Variants in MACO1 observed in about 807,000 individuals in gnomAD.
MACO1 encodes the protein macoilin 1.
MACO1 carries 14 observed loss-of-function variants against 78.7 expected under a neutral mutation model. The ratio of observed to expected loss-of-function variants is 0.18; its 90% CI spans 0.12 to 0.28. MACO1 has a LOEUF of 0.28. MACO1 is among the 10% of genes least tolerant of loss of function. The probability of loss-of-function intolerance (pLI) is 1.00; values close to 1 mark genes in which losing one functional copy is unlikely to be tolerated. For missense variants in MACO1, 501 were observed against 799.0 expected, an observed-to-expected ratio of 0.63 and a Z score of 4.50; for synonymous variants, 288 against 291.6, an observed-to-expected ratio of 0.99 and a Z score of 0.12.
At position 25,431,036 on chromosome 1, in the gene MACO1, G is replaced by GCGGCGGCAGCTGAGGTGAGAGA; in HGVS notation, c.-55_-34dup. ...AGGCCCGACGCGGGGCGGGCCAGCG[G>GCGGCGGCAGCTGAGGTGAGAGA]CGGCGGCAGCTGAGGTGAGAGACGG... On this transcript the variant is annotated 5_prime_UTR_variant, in exon 1 of 11. Transcript: ENST00000374343. 6 of 1,421,028 alleles carry GCGGCGGCAGCTGAGGTGAGAGA rather than the reference G, an allele frequency of 4.2e-6. No homozygotes were observed. The highest frequency in any genetic ancestry group is 5.7e-6 in the Non-Finnish European group (6 of 1,052,916). 88.0% of individuals were successfully genotyped at this position (1,421,028 alleles called of 1,614,324 possible).
At position 25,444,258 on chromosome 1, in the gene MACO1, T is replaced by TTAAATAAA. The variant is rs914203310; in HGVS notation, c.81-2487_81-2480dup. ...TGGGTGATAGAGTGAAACTCAGTCT[T>TTAAATAAA]TAAATAAATAAATAAATAAATAAAG... On this transcript the variant is annotated intron_variant, in intron 1 of 10. Transcript: ENST00000374343. 5.1e-3 allele frequency among the ~76,000 whole-genome samples: 779 copies of TTAAATAAA among 151,660 alleles called. 9 individuals carry two copies. Among genetic ancestry groups the TTAAATAAA allele is most frequent in the African/African-American group, 0.018 (751 of 41,272 alleles).
At chr1:25,435,567 T>G (rs6690883) in intron 1 of MACO1, among the ~76,000 whole-genome samples, 2 of 152,180 alleles carry the variant, frequency 1.3e-5, no homozygotes, top group African/African-American at 4.8e-5. Context: ...TTAGACTCCT[T>G]TGGGCTATGC....
intron 6 of MACO1, among the ~76,000 whole-genome samples, chr1:25,467,515 T>C (rs1335663288): frequency 1.3e-5 from 2 of 152,240 alleles, no homozygotes; most frequent in Non-Finnish European, 2.9e-5. Flanking sequence ...TCTGCAGAAA[T>C]GTTAAAGCAA....
In MACO1 at chr1:25,453,711, A is replaced by G. The variant is rs144224284; in HGVS notation, c.350-548A>G. ...TGGAATTTCTGGGTAAAAGAAAGGT[A>G]CAAGTATTTAAATTTAAATATACTG... On this transcript the variant is annotated intron_variant, in intron 3 of 10. Transcript: ENST00000374343. Among the ~76,000 whole-genome samples, 811 of 151,768 alleles carry G rather than the reference A, an allele frequency of 5.3e-3. 10 individuals are homozygous for G. Among genetic ancestry groups the G allele is most frequent in the African/African-American group, 0.019 (780 of 41,446 alleles).
intron 4 of MACO1, 90 bp downstream of exon 4, chr1:25,454,472 A>G (rs35383146): frequency 0.037 from 4,582 of 122,832 alleles, 128 homozygotes; most frequent in Admixed American, 0.14. Context: ...GTGTGTGTGT[A>G]TATATATATA....
intron 6 of MACO1, among the ~76,000 whole-genome samples, chr1:25,468,032 A>G (rs1461791257): frequency 6.6e-6 from 1 of 152,166 alleles, no homozygotes; most frequent in Non-Finnish European, 1.5e-5. Context: ...CATTGGCCCA[A>G]GGATTGGCAC....
intron 1 of MACO1, among the ~76,000 whole-genome samples, chr1:25,437,708 C>A (rs2042932037): frequency 2.0e-5 from 3 of 152,130 alleles, no homozygotes; most frequent in Admixed American, 2.0e-4. Flanking sequence ...TTGCTTGAGT[C>A]CAGGAGTTCA....
chr1:25,453,070 A>G (rs988143856), intron 3 of MACO1, among the ~76,000 whole-genome samples: 3 of 149,580 alleles, frequency 2.0e-5, no homozygotes, highest in African/African-American at 5.0e-5. Context: ...CAATGATGCA[A>G]TCTCGGCTCA....
intron 6 of MACO1, among the ~76,000 whole-genome samples, chr1:25,465,017 T>TATA (rs1230637543): frequency 2.0e-5 from 3 of 151,294 alleles, no homozygotes; most frequent in Admixed American, 2.0e-4. Context: ...CTTACTATAT[T>TATA]GCCCAAGCTG....
chr1:25,480,929 AATATATATATATATAT>A (rs202050214), intron 6 of MACO1, among the ~76,000 whole-genome samples: 139 of 47,760 alleles, frequency 2.9e-3, no homozygotes, highest in African/African-American at 4.6e-3. Context: ...AAAAAAAAAA[AATATATATATATATAT>A]ATATATATAT....
intron 1 of MACO1, among the ~76,000 whole-genome samples, chr1:25,437,259 C>G (rs1236227232): frequency 6.8e-6 from 1 of 147,834 alleles, no homozygotes; most frequent in Non-Finnish European, 1.5e-5. Flanking sequence ...TTCAGCTGAC[C>G]GAGTAGCTGG....
intron 6 of MACO1, among the ~76,000 whole-genome samples, chr1:25,473,318 T>C (rs531744771): frequency 6.6e-6 from 1 of 152,330 alleles, no homozygotes; most frequent in Admixed American, 6.5e-5. Context: ...GGGTTTTTTG[T>C]GGCTTGAAAA....
At chr1:25,476,181 G>T (rs1202229167) in intron 6 of MACO1, among the ~76,000 whole-genome samples, 3 of 152,210 alleles carry the variant, frequency 2.0e-5, no homozygotes, top group Non-Finnish European at 2.9e-5. Flanking sequence ...AAGTCAGTAA[G>T]TACCCTATTT....
intron 9 of MACO1, among the ~76,000 whole-genome samples, chr1:25,490,679 AAT>A (rs1231387690): frequency 6.6e-6 from 1 of 152,224 alleles, no homozygotes. Flanking sequence ...GAGTCATTTA[AAT>A]TTTGGTATGT....
At chr1:25,434,153 C>T (rs2042899679) in intron 1 of MACO1, among the ~76,000 whole-genome samples, 2 of 152,102 alleles carry the variant, frequency 1.3e-5, no homozygotes, top group South Asian at 2.1e-4. Context: ...ATGTAATCTG[C>T]ATTTATACAT....
chr1:25,488,957 A>G (rs2043459538), intron 8 of MACO1, among the ~76,000 whole-genome samples: 1 of 152,136 alleles, frequency 6.6e-6, no homozygotes, highest in Non-Finnish European at 1.5e-5. Flanking sequence ...AGCTGGGACT[A>G]CAGGCATGTA....
At chr1:25,446,967 T>C (rs2043020521) in intron 2 of MACO1, 64 bp downstream of exon 2, 1 of 1,536,854 alleles carries the variant, frequency 6.5e-7, no homozygotes, top group Non-Finnish European at 8.7e-7. Context: ...GTAGATGTTA[T>C]TAGCAATACT....
At chr1:25,484,431 CAT>C (rs1306872599) in intron 7 of MACO1, among the ~76,000 whole-genome samples, 157 bp downstream of exon 7, 2 of 152,194 alleles carry the variant, frequency 1.3e-5, no homozygotes, top group Non-Finnish European at 2.9e-5. Flanking sequence ...AGATATTCAA[CAT>C]GTTTATAAAA....
intron 4 of MACO1, among the ~76,000 whole-genome samples, chr1:25,456,030 C>T (rs889441946): frequency 2.0e-5 from 3 of 151,966 alleles, no homozygotes; most frequent in Non-Finnish European, 2.9e-5. Context: ...GAGGCCAAGG[C>T]GAGTGGATCA....
Sources: allele counts gnomAD v4.1 joint callset (sites outside exome capture counted in the v4.1 genomes callset), GRCh38; gene constraint gnomAD v4.1.1; transcripts MANE v1.5; gene names NCBI Gene and HGNC (gene_info 2026-07-23, HGNC 2026-07-21).